Variants in ADAM11 observed in about 807,000 individuals in gnomAD.
ADAM11 encodes the protein ADAM metallopeptidase domain 11.
A neutral mutation model predicts 119.1 loss-of-function variants in ADAM11; 49 were observed. The ratio of observed to expected loss-of-function variants is 0.41; its 90% CI spans 0.33 to 0.52. The LOEUF (loss-of-function observed/expected upper bound fraction) is 0.52. ADAM11 is among the 20% of genes least tolerant of loss of function. The probability of loss-of-function intolerance (pLI) is 0.20; values close to 1 mark genes in which losing one functional copy is unlikely to be tolerated. For synonymous variants in ADAM11, 364 were observed against 408.0 expected (o/e 0.89, Z 1.30); for missense variants, 777 against 1,047.5 (o/e 0.74, Z 3.56).
Position 44,761,899 on chromosome 17 carries a change from C to G in ADAM11, c.237+2002C>G, listed in dbSNP as rs565506797. Reference sequence around the variant, plus strand: ...GTGCAATGGCGTGATCTCTGCTCACCCTAACCTCCACCTCCCGGGTTCAAG... The same window carrying G: ...GTGCAATGGCGTGATCTCTGCTCACGCTAACCTCCACCTCCCGGGTTCAAG... On this transcript the variant is annotated intron_variant, in intron 2 of 26. Coordinates refer to ENST00000200557, the MANE Select transcript of ADAM11 (RefSeq NM_002390.6). 3.2e-4 allele frequency among the ~76,000 whole-genome samples: 48 copies of G among 152,128 alleles called. 1 individual carries two copies. Among genetic ancestry groups the G allele is most frequent in the African/African-American group, 1.1e-3 (46 of 41,492 alleles).
In ADAM11 at chr17:44,777,273, C is replaced by G. The variant is rs771829344; in HGVS notation, c.1781+8C>G. 1.3e-6 allele frequency: 2 copies of G among 1,593,796 alleles called. No individual in the cohort carries two copies. Among genetic ancestry groups the G allele is most frequent in the African/African-American group, 2.7e-5 (2 of 74,520 alleles). On this transcript the variant is annotated splice_region_variant and intron_variant, in intron 21 of 26. Transcript: ENST00000200557. This position sits in a 1 kb window ranked among gnomAD's most constrained non-coding sequence, Gnocchi z 5.1. ...GGTCCAGTGCAGTAAGCAGTGAGTA[C>G]TGAGGCTCCCAGAGGGCCTCTCAGC...
chr17:44,759,532 G>A, intron 1 of ADAM11, 190 bp from the exon 2 acceptor site: 2 of 1,245,912 alleles, frequency 1.6e-6, no homozygotes, highest in Non-Finnish European at 2.0e-6. Context: ...GTGACGGTTG[G>A]GCGGGAGTGA....
intron 2 of ADAM11, 34 bp from the exon 3 acceptor site, chr17:44,769,683 TG>T: frequency 6.6e-7 from 1 of 1,517,010 alleles, no homozygotes; most frequent in Non-Finnish European, 9.1e-7. Context: ...CAGGCCTCCC[TG>T]GGTTGACTCC....
Position 44,759,902 on chromosome 17 carries a change from G to T in ADAM11, c.237+5G>T. Reference sequence around the variant, plus strand: ...CAGGAGCCACCAGGGGGCCCGGTGAGTGGGGCTGGGTGGTGAGGCCAGGGG... The same window carrying T: ...CAGGAGCCACCAGGGGGCCCGGTGATTGGGGCTGGGTGGTGAGGCCAGGGG... On this transcript the variant is annotated splice_donor_5th_base_variant and intron_variant, in intron 2 of 26. Coordinates refer to ENST00000200557, the MANE Select transcript of ADAM11 (RefSeq NM_002390.6). The T allele has an allele frequency of 7.8e-7, 1 of 1,283,910 alleles. No individual in the cohort carries two copies. Among genetic ancestry groups the T allele is most frequent in the Non-Finnish European group, 9.9e-7 (1 of 1,008,528 alleles). 79.5% of individuals were successfully genotyped at this position (1,283,910 alleles called of 1,614,324 possible). A position where few individuals can be genotyped will look rare whatever the true frequency, so the allele number is the denominator to read the frequency against.
rs774251480 is a variant in ADAM11, at chr17:44,778,257, C to T, written c.2276+15C>T. On this transcript the variant is annotated intron_variant, in intron 25 of 26. Transcript: ENST00000200557. ...TGGGGATTTAAGTAAGAGACACACA[C>T]ACCCTGTGCCCCCTGGCATCCTTGA... 21 of 1,607,010 alleles carry T rather than the reference C, an allele frequency of 1.3e-5. No individual in the cohort carries two copies. Among genetic ancestry groups the T allele is most frequent in the African/African-American group, 2.7e-5 (2 of 74,780 alleles).
At position 44,780,055 on chromosome 17, in the gene ADAM11, C is replaced by G. The variant is rs1057378228; in HGVS notation, c.*301C>G. 4.4e-6 allele frequency: 3 copies of G among 683,570 alleles called. No homozygotes were observed. The highest frequency in any genetic ancestry group is 3.5e-5 in the African/African-American group (2 of 56,840). 42.3% of individuals were successfully genotyped at this position (683,570 alleles called of 1,614,324 possible). A position where few individuals can be genotyped will look rare whatever the true frequency, so the allele number is the denominator to read the frequency against. ...CCTCATGGATTGCCACAGCTCAACT[C>G]GGGGGCGCCTGGAGGGATGCCCCCA... On this transcript the variant is annotated 3_prime_UTR_variant, in exon 27 of 27. Transcript: ENST00000200557.
chr17:44,771,556 C>T (rs753524539), intron 4 of ADAM11, 28 bp from the exon 5 acceptor site: 17 of 1,605,884 alleles, frequency 1.1e-5, no homozygotes, highest in Non-Finnish European at 2.5e-6. Flanking sequence ...CTCATGCCAG[C>T]GTTCTGCTCA....
rs75588483 is a variant in ADAM11 at position 44,775,780 on chromosome 17, C to G, written c.1485+104C>G. ...GGGAGGGAAGCGGAGCCTTCGGGGA[C>G]GAAGGCCTCTGGGGCAGGGCTTGAT... On this transcript the variant is annotated intron_variant, in intron 17 of 26. Transcript: ENST00000200557. This position sits in a 1 kb window ranked among gnomAD's most constrained non-coding sequence, Gnocchi z 7.5. 204,943 of 1,221,066 alleles carry G rather than the reference C, an allele frequency of 0.17. 18,109 individuals are homozygous for G. The highest frequency in any genetic ancestry group is 0.26 in the South Asian group (17,934 of 69,274). 75.6% of individuals were successfully genotyped at this position (1,221,066 alleles called of 1,614,324 possible).
At position 44,778,039 on chromosome 17, in the gene ADAM11, C is replaced by G; in HGVS notation, c.2158C>G (p.Pro720Ala). 6.2e-7 allele frequency: 1 copy of G among 1,613,652 alleles called. No homozygotes were observed. Among genetic ancestry groups the G allele is most frequent in the Non-Finnish European group, 8.5e-7 (1 of 1,179,778 alleles). Residue 720 changes from proline (P) to alanine (A), a missense_variant, in exon 24 of 27, where the codon CCC (proline) becomes GCC (alanine). Coordinates refer to ENST00000200557, the MANE Select transcript of ADAM11 (RefSeq NM_002390.6). The stretch of plus-strand genomic sequence containing the variant: ...CCATAACCCCCTGCCCACGTCCCCA[C>G]CCACGGGGGAGACGGAGAGATATAA... The part of the protein sequence containing the change: ...SIHNPLPTSP[P>A]TGETERYKGP...
At chr17:44,763,798 C>T (rs1186472613) in intron 2 of ADAM11, among the ~76,000 whole-genome samples, 1 of 152,030 alleles carries the variant, frequency 6.6e-6, no homozygotes, top group Non-Finnish European at 1.5e-5. Flanking sequence ...CTCACTGCAG[C>T]CTCTGCCTCC....
chr17:44,760,005 G>T, intron 2 of ADAM11, 108 bp downstream of exon 2: 1 of 1,111,140 alleles, frequency 9.0e-7, no homozygotes. Flanking sequence ...GCCCCGCAGG[G>T]TCCCCTTCTG....
intron 2 of ADAM11, among the ~76,000 whole-genome samples, chr17:44,769,465 G>T (rs2049490024): frequency 6.6e-6 from 1 of 152,258 alleles, no homozygotes; most frequent in Non-Finnish European, 1.5e-5. Context: ...AGGATGCACA[G>T]GTGCCCGGGC....
At chr17:44,771,728 G>A (rs776315863) in intron 5 of ADAM11, 28 bp from the exon 6 acceptor site, 2 of 1,612,966 alleles carry the variant, frequency 1.2e-6, no homozygotes, top group Non-Finnish European at 1.7e-6. Flanking sequence ...CCTGGGGACG[G>A]AGGGGAGCTG....
chr17:44,779,973 C>T lies in ADAM11; in HGVS notation c.*219C>T, dbSNP rs777625785. On this transcript the variant is annotated 3_prime_UTR_variant, in exon 27 of 27. Coordinates refer to ENST00000200557, the MANE Select transcript of ADAM11 (RefSeq NM_002390.6). ...AGGGCACTTCCTCCACAGTCCCCCA[C>T]CCACCTCCTGCGGCTCAGCCTTGCA... is the stretch of plus-strand genomic sequence containing the variant. The T allele has an allele frequency of 6.9e-6, 5 of 726,996 alleles. No homozygotes were observed. Among genetic ancestry groups the T allele is most frequent in the Non-Finnish European group, 7.4e-6 (3 of 407,722 alleles). The allele number at this position is 726,996 out of a possible 1,614,324, so 45.0% of individuals were successfully genotyped here.
At chr17:44,767,081 G>A (rs1435599631) in intron 2 of ADAM11, among the ~76,000 whole-genome samples, 4 of 152,028 alleles carry the variant, frequency 2.6e-5, no homozygotes, top group Non-Finnish European at 5.9e-5. Flanking sequence ...AACATTCGCT[G>A]GGCATGGTGG....
Position 44,779,916 on chromosome 17 carries a change from C to T in ADAM11, c.*162C>T. 9.7e-7 allele frequency: 1 copy of T among 1,034,310 alleles called. No homozygotes were observed. The highest frequency in any genetic ancestry group is 1.5e-6 in the Non-Finnish European group (1 of 687,430). 64.1% of individuals were successfully genotyped at this position (1,034,310 alleles called of 1,614,324 possible). On this transcript the variant is annotated 3_prime_UTR_variant, in exon 27 of 27. Coordinates refer to ENST00000200557, the MANE Select transcript of ADAM11 (RefSeq NM_002390.6). The stretch of plus-strand genomic sequence containing the variant: ...GGTTTGGGTGGGGGCTGTGGCCCTG[C>T]CCTTGGCACCACCAGGGTGGACCAG...
In ADAM11 at chr17:44,773,377, C is replaced by T; in HGVS notation, c.942C>T (p.Val314=). 6.2e-7 allele frequency: 1 copy of T among 1,614,006 alleles called. No homozygotes were observed. ...DLLETLARLM[V]YRREGLPEPS... is the part of the protein sequence containing the mutation. ...TGGAGACCCTGGCCCGGCTCATGGT[C>T]TACCGACGGGAGGGTCTGCCTGAGC... Residue 314 remains valine (V), a synonymous_variant, in exon 11 of 27, where the codon GTC becomes GTT. Transcript: ENST00000200557. The surrounding 1 kb of genome is among the most constrained non-coding windows in gnomAD (Gnocchi z 4.6).
intron 4 of ADAM11, among the ~76,000 whole-genome samples, chr17:44,770,488 T>TCCCCCCCCCCCC (rs754119100): frequency 1.7e-5 from 1 of 60,248 alleles, no homozygotes; most frequent in Non-Finnish European, 3.7e-5. Context: ...ATAGCCTGTC[T>TCCCCCCCCCCCC]CCCCCCCCCC....
chr17:44,778,421 G>A lies in ADAM11; in HGVS notation c.2276+179G>A, dbSNP rs542119691. Among the ~76,000 whole-genome samples, 5 of 152,280 alleles carry A rather than the reference G, an allele frequency of 3.3e-5. No homozygotes were observed. The East Asian group carries it at 7.7e-4, about 24-fold the overall frequency. ...ACTAGGAGATTTTAGGCTAGATGAG[G>A]TGGCTCACGCCTGTAATCCCAGCAC... On this transcript the variant is annotated intron_variant, in intron 25 of 26. Coordinates refer to ENST00000200557, the MANE Select transcript of ADAM11 (RefSeq NM_002390.6).
Sources: allele counts gnomAD v4.1 joint callset (sites outside exome capture counted in the v4.1 genomes callset), GRCh38; gene constraint gnomAD v4.1.1; non-coding constraint Gnocchi (gnomAD v3.1); transcripts MANE v1.5; gene names NCBI Gene and HGNC (gene_info 2026-07-23, HGNC 2026-07-21).